Variants in PCDHGB4 observed in about 807,000 individuals in gnomAD.
PCDHGB4 encodes protocadherin gamma subfamily B, 4, also known as protocadherin gamma-B4.
PCDHGB4 carries 38 observed loss-of-function variants against 60.5 expected under a neutral mutation model. That is an observed-to-expected ratio of 0.63 (90% CI 0.48 to 0.82). The LOEUF (loss-of-function observed/expected upper bound fraction) is 0.82, where lower values mean the gene tolerates loss of function less well. Among genes scored for constraint, PCDHGB4 ranks in the 40% least tolerant of loss-of-function variants. The pLI is 0.00. For missense variants in PCDHGB4, 1,109 were observed against 1,209.6 expected (o/e 0.92, Z 1.23); for synonymous variants, 456 against 509.7 (o/e 0.89, Z 1.42).
intron 1 of PCDHGB4, among the ~76,000 whole-genome samples, chr5:141,442,921 CATTTTCTA>C (rs1366534082): frequency 6.6e-6 from 1 of 152,196 alleles, no homozygotes. Context: ...ACAACTGTTT[CATTTTCTA>C]TTTAAGAAAC....
rs146235929 is a variant in PCDHGB4 at position 141,511,610 on chromosome 5, C to A, written c.*437C>A. On this transcript the variant is annotated 3_prime_UTR_variant, in exon 4 of 4. Transcript: ENST00000519479. ...GAAGTACCAAGTAACCTACAAGCCT[C>A]CTAGTTCTGAAAAGTTGGAAGGGCA... 1.0e-3 allele frequency: 247 copies of A among 237,682 alleles called. 1 individual carries two copies. The highest frequency in any genetic ancestry group is 5.2e-3 in the African/African-American group (235 of 45,400). The allele number at this position is 237,682 out of a possible 1,614,324, so 14.7% of individuals were successfully genotyped here. A position where few individuals can be genotyped will look rare whatever the true frequency, so the allele number is the denominator to read the frequency against.
intron 1 of PCDHGB4, among the ~76,000 whole-genome samples, chr5:141,462,068 C>T (rs1006462521): frequency 6.6e-6 from 1 of 152,196 alleles, no homozygotes; most frequent in African/African-American, 2.4e-5. Context: ...GGTGATCTGC[C>T]CGCCTTGGCC....
chr5:141,423,749 T>TG, intron 1 of PCDHGB4: 2 of 272,262 alleles, frequency 7.3e-6, no homozygotes, highest in Non-Finnish European at 4.7e-6. Flanking sequence ...TGAAAACTGT[T>TG]TGGGGGGGGG....
In PCDHGB4 at chr5:141,399,498, A is replaced by G. The variant is rs539360572; in HGVS notation, c.2397+9217A>G. The G allele has an allele frequency of 1.4e-5, 22 of 1,614,002 alleles. No individual in the cohort carries two copies. The African/African-American group carries it at 2.5e-4, about 19-fold the overall frequency. On this transcript the variant is annotated intron_variant, in intron 1 of 3. Coordinates refer to ENST00000519479, the MANE Select transcript of PCDHGB4 (RefSeq NM_003736.4). Reference sequence around the variant, plus strand: ...ACCAGGCGTCCTACTTAGTCAGTGTACCCGAAAACAACCCTCCTGGGGCCT... The same window carrying G: ...ACCAGGCGTCCTACTTAGTCAGTGTGCCCGAAAACAACCCTCCTGGGGCCT...
intron 1 of PCDHGB4, chr5:141,415,759 T>TTG (rs2095938229): frequency 3.7e-6 from 5 of 1,352,054 alleles, no homozygotes; most frequent in Non-Finnish European, 4.8e-6. Flanking sequence ...TTTTTTTTTT[T>TTG]TTTTTTTTTT....
rs1441582051 is a variant in PCDHGB4, at chr5:141,487,416, G to A, written c.2398-7391G>A. 1 of 1,614,088 alleles carries A rather than the reference G, an allele frequency of 6.2e-7. No individual in the cohort carries two copies. Among genetic ancestry groups the A allele is most frequent in the Admixed American group, 1.7e-5 (1 of 60,024 alleles). On this transcript the variant is annotated intron_variant, in intron 1 of 3. Coordinates refer to ENST00000519479, the MANE Select transcript of PCDHGB4 (RefSeq NM_003736.4). The surrounding 1 kb of genome is among the most constrained non-coding windows in gnomAD (Gnocchi z 5.0). ...AGGGAGGGGCTTCCCCCTTCCAATGGGATCCTCCGAATCCAGCTAGGGTCA... is the reference window on the plus strand; with the variant it reads ...AGGGAGGGGCTTCCCCCTTCCAATGAGATCCTCCGAATCCAGCTAGGGTCA...
In PCDHGB4 at chr5:141,485,472, C is replaced by T. The variant is rs1185020546; in HGVS notation, c.2398-9335C>T. On this transcript the variant is annotated intron_variant, in intron 1 of 3. Transcript: ENST00000519479. This position sits in a 1 kb window ranked among gnomAD's most constrained non-coding sequence, Gnocchi z 5.7. The stretch of plus-strand genomic sequence containing the variant: ...CGAGAGGCACTGTGTGGGCTCAGTG[C>T]CAGCTGCATCGTGCCCCTGGAGTTT... The T allele has an allele frequency of 3.1e-6, 5 of 1,614,138 alleles. No individual in the cohort carries two copies. In the South Asian group the frequency reaches 5.5e-5, roughly 18 times the overall value.
rs772328241 is a variant in PCDHGB4 at position 141,491,340 on chromosome 5, C to A, written c.2398-3467C>A. On this transcript the variant is annotated intron_variant, in intron 1 of 3. Coordinates refer to ENST00000519479, the MANE Select transcript of PCDHGB4 (RefSeq NM_003736.4). The surrounding 1 kb of genome is among the most constrained non-coding windows in gnomAD (Gnocchi z 6.9). ...TTTACCTCATTGTGGCTCTAGCGACCGTCAGTCTCTTATCCCTAGTCACCT... is the reference window on the plus strand; with the variant it reads ...TTTACCTCATTGTGGCTCTAGCGACAGTCAGTCTCTTATCCCTAGTCACCT... 4.3e-6 allele frequency: 7 copies of A among 1,614,146 alleles called. No homozygotes were observed. Among genetic ancestry groups the A allele is most frequent in the Non-Finnish European group, 5.9e-6 (7 of 1,180,014 alleles).
intron 1 of PCDHGB4, among the ~76,000 whole-genome samples, chr5:141,468,994 T>C (rs2099188173): frequency 6.7e-6 from 1 of 148,824 alleles, no homozygotes; most frequent in Non-Finnish European, 1.5e-5. Context: ...ATTATTGTTT[T>C]TGCTGGGTGC....
chr5:141,405,201 T>C, intron 1 of PCDHGB4: 1 of 1,614,050 alleles, frequency 6.2e-7, no homozygotes, highest in Non-Finnish European at 8.5e-7. Context: ...CGAGCTTTCC[T>C]ACAGACCTAT....
intron 1 of PCDHGB4, 81 bp downstream of exon 1, chr5:141,390,362 G>A: frequency 6.5e-7 from 1 of 1,533,010 alleles, no homozygotes. Flanking sequence ...ATATTTGCAG[G>A]AAAATATATA....
intron 1 of PCDHGB4, chr5:141,427,812 G>T: frequency 6.6e-7 from 1 of 1,524,404 alleles, no homozygotes; most frequent in Non-Finnish European, 9.0e-7. Flanking sequence ...CGCACAGAGC[G>T]GGGTGGTGGT....
intron 1 of PCDHGB4, among the ~76,000 whole-genome samples, chr5:141,457,827 C>T (rs1300495115): frequency 2.0e-5 from 3 of 152,204 alleles, no homozygotes; most frequent in Admixed American, 6.5e-5. Context: ...AAACTCAGAG[C>T]TTCCAGACCT....
chr5:141,481,622 G>A (rs957374253), intron 1 of PCDHGB4, among the ~76,000 whole-genome samples: 6 of 151,854 alleles, frequency 4.0e-5, no homozygotes, highest in African/African-American at 1.2e-4. Flanking sequence ...GTTCAAGACC[G>A]GCCTGGCCAA....
At chr5:141,457,647 T>C (rs929739178) in intron 1 of PCDHGB4, among the ~76,000 whole-genome samples, 6 of 152,256 alleles carry the variant, frequency 3.9e-5, no homozygotes, top group Non-Finnish European at 8.8e-5. Context: ...ATTATTTGCA[T>C]GAAGTGCAGC....
Position 141,388,978 on chromosome 5 carries a change from CT to C in PCDHGB4, c.1097del (p.Leu366CysfsTer15), listed in dbSNP as rs1389375857. On this transcript the variant is annotated frameshift_variant, in exon 1 of 4. Transcript: ENST00000519479. LOFTEE classifies it high-confidence loss of function. ...GACGCCGAGCTGGGAACACATATTG[CT>C]TTGCTCAAAGTCCGTGACAAGGATT... The part of the protein sequence containing the change: ...MEDAELGTHI[A>X]LLKVRDKDSR... 6.2e-7 allele frequency: 1 copy of C among 1,613,972 alleles called. No homozygotes were observed. The highest frequency in any genetic ancestry group is 2.2e-5 in the East Asian group (1 of 44,884).
chr5:141,486,522 A>G lies in PCDHGB4; in HGVS notation c.2398-8285A>G. 1 of 1,614,174 alleles carries G rather than the reference A, an allele frequency of 6.2e-7. No homozygotes were observed. Among genetic ancestry groups the G allele is most frequent in the Non-Finnish European group, 8.5e-7 (1 of 1,180,024 alleles). On this transcript the variant is annotated intron_variant, in intron 1 of 3. Transcript: ENST00000519479. The surrounding 1 kb of genome is among the most constrained non-coding windows in gnomAD (Gnocchi z 5.0). The stretch of plus-strand genomic sequence containing the variant: ...TTCCTCAATATTTCAGATGTGAATG[A>G]TAATCCACCCTCTTTCTTTCAGAGG...
chr5:141,408,752 G>A (rs780102602), intron 1 of PCDHGB4: 8 of 1,610,388 alleles, frequency 5.0e-6, no homozygotes, highest in Non-Finnish European at 5.9e-6. Flanking sequence ...AATGGTTAGA[G>A]TTAATTCCGA....
chr5:141,446,398 G>A (rs1379233102), intron 1 of PCDHGB4, among the ~76,000 whole-genome samples: 2 of 152,128 alleles, frequency 1.3e-5, no homozygotes, highest in African/African-American at 2.4e-5. Context: ...AAGAGAAATC[G>A]AGTTGAGTTC....
Sources: allele counts gnomAD v4.1 joint callset (sites outside exome capture counted in the v4.1 genomes callset), GRCh38; gene constraint gnomAD v4.1.1; non-coding constraint Gnocchi (gnomAD v3.1); transcripts MANE v1.5; gene names NCBI Gene and HGNC (gene_info 2026-07-23, HGNC 2026-07-21).